JAKMIP3: variants seen among roughly 807,000 people sequenced by gnomAD.
The protein encoded by JAKMIP3 is janus kinase and microtubule-interacting protein 3.
Under a neutral mutation model 118.5 loss-of-function variants are expected in JAKMIP3, and 58 were observed. The ratio of observed to expected loss-of-function variants is 0.49; its 90% CI spans 0.40 to 0.61. The LOEUF is 0.61. Ranked by LOEUF, JAKMIP3 falls within the 20% of genes least tolerant of loss-of-function variation. The pLI, the probability that JAKMIP3 is intolerant of heterozygous loss-of-function variation, is 0.00. For synonymous variants in JAKMIP3, 486 were observed against 451.2 expected, an observed-to-expected ratio of 1.08 and a Z score of -0.98; for missense variants, 950 against 1,109.0, an observed-to-expected ratio of 0.86 and a Z score of 2.04.
intron 22 of JAKMIP3, 27 bp downstream of exon 22, chr10:132,167,082 C>A: frequency 6.7e-7 from 1 of 1,484,032 alleles, no homozygotes; most frequent in Non-Finnish European, 9.2e-7. Context: ...CAGGGCCCAG[C>A]AGGGGTCCCG....
At chr10:132,176,163 C>T (rs1347610784) in intron 23 of JAKMIP3, among the ~76,000 whole-genome samples, 1 of 152,256 alleles carries the variant, frequency 6.6e-6, no homozygotes, top group Non-Finnish European at 1.5e-5. Context: ...GCTTCATCAG[C>T]CAGGGCTCCA....
chr10:132,042,179 G>A (rs1401517708), intron 1 of JAKMIP3, among the ~76,000 whole-genome samples: 7 of 18,908 alleles, frequency 3.7e-4, no homozygotes, highest in Middle Eastern at 0.038. Flanking sequence ...TCACTTGCTC[G>A]CTCGCTCCTT....
intron 23 of JAKMIP3, among the ~76,000 whole-genome samples, chr10:132,176,420 C>T (rs915359504): frequency 4.6e-5 from 7 of 152,302 alleles, no homozygotes; most frequent in African/African-American, 1.7e-4. Context: ...GTGTGTGCCT[C>T]GCTCTTGCTG....
intron 1 of JAKMIP3, among the ~76,000 whole-genome samples, chr10:132,038,014 A>G (rs1472017536): frequency 1.3e-5 from 2 of 152,228 alleles, no homozygotes; most frequent in Admixed American, 1.3e-4. Flanking sequence ...GCCTGGCAAG[A>G]AGCAACTTAT....
chr10:132,152,819 CA>C, intron 16 of JAKMIP3, 138 bp from the exon 17 acceptor site: 1 of 637,218 alleles, frequency 1.6e-6, no homozygotes, highest in Non-Finnish European at 2.9e-6. Flanking sequence ...AGATGTCAGT[CA>C]AAGCACTTTT....
chr10:132,128,898 T>C (rs1417628329), intron 3 of JAKMIP3, among the ~76,000 whole-genome samples: 1 of 152,264 alleles, frequency 6.6e-6, no homozygotes. Flanking sequence ...TCATCATCTC[T>C]GGGTCTGTTT....
intron 11 of JAKMIP3, chr10:132,144,528 G>C (rs1424938332): frequency 6.5e-6 from 1 of 152,930 alleles, no homozygotes; most frequent in African/African-American, 2.4e-5. Flanking sequence ...CTCATTGGCT[G>C]TGTCATCCTG....
intron 9 of JAKMIP3, among the ~76,000 whole-genome samples, chr10:132,139,292 C>CTGTGTATGTGTGTGAGTGTGTA (rs2052768033): frequency 9.3e-6 from 1 of 106,974 alleles, no homozygotes; most frequent in Non-Finnish European, 1.8e-5. Context: ...GTATATGCAT[C>CTGTGTATGTGTGTGAGTGTGTA]TGTGTATGTG....
intron 1 of JAKMIP3, among the ~76,000 whole-genome samples, chr10:132,090,055 A>G (rs2134390637): frequency 6.6e-6 from 1 of 152,358 alleles, no homozygotes; most frequent in African/African-American, 2.4e-5. Flanking sequence ...CCCAAGGATG[A>G]AGCCCACTTG....
intron 1 of JAKMIP3, among the ~76,000 whole-genome samples, chr10:132,066,420 G>T (rs1044582346): frequency 6.6e-6 from 1 of 152,346 alleles, no homozygotes; most frequent in Admixed American, 6.5e-5. Context: ...GGCTGAGTCT[G>T]TGTATTGCCG....
At chr10:132,061,815 CAA>C (rs758658021), upstream of JAKMIP3, among the ~76,000 whole-genome samples, 1 of 152,102 alleles carries the variant, frequency 6.6e-6, no homozygotes, top group African/African-American at 2.4e-5. Context: ...TCTTAAGAAA[CAA>C]AAACATAAAA....
chr10:132,124,907 G>C (rs1173774915), intron 3 of JAKMIP3, among the ~76,000 whole-genome samples: 1 of 152,218 alleles, frequency 6.6e-6, no homozygotes, highest in Non-Finnish European at 1.5e-5. Flanking sequence ...CGGCAAGAAA[G>C]AGGCTGGCCG....
intron 16 of JAKMIP3, among the ~76,000 whole-genome samples, chr10:132,151,203 C>T (rs567372674): frequency 1.3e-5 from 2 of 152,240 alleles, no homozygotes; most frequent in South Asian, 2.1e-4. Flanking sequence ...TCTATGCATC[C>T]TCCATCATTC....
chr10:132,117,263 A>G lies in JAKMIP3; in HGVS notation c.322A>G (p.Ile108Val), dbSNP rs2047829835. ...GGCTGAGCTGCTCAGGGTCATCAAG[A>G]TCAAGGACAACGAGAACCAGCGGCT... ...HEAELLRVIK[I>V]KDNENQRLQA... Residue 108 changes from isoleucine (I) to valine (V), a missense_variant, in exon 3 of 24, where the codon ATC (isoleucine) becomes GTC (valine). Ile to Val is a conservative substitution (Grantham distance 29, BLOSUM62 3). Transcript: ENST00000684848. The surrounding 1 kb of genome is among the most constrained non-coding windows in gnomAD (Gnocchi z 8.6). 1 of 1,613,932 alleles carries G rather than the reference A, an allele frequency of 6.2e-7. No individual in the cohort carries two copies. The highest frequency in any genetic ancestry group is 1.3e-5 in the African/African-American group (1 of 75,042).
intron 23 of JAKMIP3, among the ~76,000 whole-genome samples, chr10:132,175,162 A>T (rs990929871): frequency 6.6e-6 from 1 of 152,194 alleles, no homozygotes; most frequent in African/African-American, 2.4e-5. Context: ...TTGATGTTAG[A>T]ACTAAGAAAA....
chr10:132,105,438 G>T (rs535316346), intron 2 of JAKMIP3, among the ~76,000 whole-genome samples: 5 of 152,310 alleles, frequency 3.3e-5, no homozygotes, highest in Admixed American at 2.6e-4. Flanking sequence ...AAGCCCGGGG[G>T]ATGGGGAGGC....
At chr10:132,092,602 T>C (rs2043239821) in intron 1 of JAKMIP3, among the ~76,000 whole-genome samples, 3 of 152,250 alleles carry the variant, frequency 2.0e-5, no homozygotes, top group Admixed American at 2.0e-4. Context: ...TCTCGTGCCA[T>C]GTTTTTCAGC....
At chr10:132,163,716 A>G (rs532461445) in intron 20 of JAKMIP3, among the ~76,000 whole-genome samples, 1 of 152,184 alleles carries the variant, frequency 6.6e-6, no homozygotes, top group East Asian at 1.9e-4. Flanking sequence ...ATGCCTGTCA[A>G]TGGCAGGCAC....
At position 132,137,249 on chromosome 10, in the gene JAKMIP3, C is replaced by T; in HGVS notation, c.1249-5C>T. The T allele has an allele frequency of 6.2e-7, 1 of 1,613,918 alleles. No homozygotes were observed. Among genetic ancestry groups the T allele is most frequent in the Non-Finnish European group, 8.5e-7 (1 of 1,179,884 alleles). ...ATTCCGTAACATGCTGTCTTCCTTT[C>T]CTAGACCCTTGAGACCGCCGGCTAC... On this transcript the variant is annotated splice_region_variant and splice_polypyrimidine_tract_variant and intron_variant, in intron 7 of 23. Coordinates refer to ENST00000684848, the MANE Select transcript of JAKMIP3 (RefSeq NM_001323087.2).
Sources: allele counts gnomAD v4.1 joint callset (sites outside exome capture counted in the v4.1 genomes callset), GRCh38; gene constraint gnomAD v4.1.1; non-coding constraint Gnocchi (gnomAD v3.1); transcripts MANE v1.5; gene names NCBI Gene and HGNC (gene_info 2026-07-23, HGNC 2026-07-21).